The following PRKG1 variants were observed in gnomAD, a reference collection of about 807,000 sequenced individuals.
PRKG1 encodes the protein cGMP-dependent protein kinase 1.
Under a neutral mutation model 88.1 loss-of-function variants are expected in PRKG1, and 35 were observed. The ratio of observed to expected loss-of-function variants is 0.40; its 90% confidence interval spans 0.30 to 0.53. The LOEUF is 0.53. Ranked by LOEUF, PRKG1 falls within the 20% of genes least tolerant of loss-of-function variation. The pLI, the probability that PRKG1 is intolerant of heterozygous loss-of-function variation, is 0.59. For missense variants in PRKG1, 540 were observed against 839.8 expected, an observed-to-expected ratio of 0.64 and a Z score of 4.41; for synonymous variants, 303 against 292.5, an observed-to-expected ratio of 1.04 and a Z score of -0.37.
chr10:51,334,852 G>T (rs1017492273), intron 2 of PRKG1, among the ~76,000 whole-genome samples: 1 of 152,080 alleles, frequency 6.6e-6, no homozygotes, highest in African/African-American at 2.4e-5. Flanking sequence ...GGGAATCAGG[G>T]TGCCTAAAAG....
At position 51,432,883 on chromosome 10, in the gene PRKG1, T is replaced by G. The variant is rs569611130; in HGVS notation, c.479-34840T>G. 1.2e-3 allele frequency among the ~76,000 whole-genome samples: 185 copies of G among 152,260 alleles called. 1 individual carries two copies. Among genetic ancestry groups the G allele is most frequent in the Non-Finnish European group, 2.0e-3 (136 of 68,012 alleles). ...TATCAAAGGATGCACAATATCTTGCTGGGAGCATGACCACTCTTTCTAGGT... is the reference window on the plus strand; with the variant it reads ...TATCAAAGGATGCACAATATCTTGCGGGGAGCATGACCACTCTTTCTAGGT... On this transcript the variant is annotated intron_variant, in intron 2 of 17. Coordinates refer to ENST00000373980, the MANE Select transcript of PRKG1 (RefSeq NM_006258.4).
At chr10:52,104,143 A>C (rs1302145326) in intron 7 of PRKG1, among the ~76,000 whole-genome samples, 1 of 151,428 alleles carries the variant, frequency 6.6e-6, no homozygotes, top group Non-Finnish European at 1.5e-5. Context: ...TGATGGCTAT[A>C]ATTTTATATT....
intron 5 of PRKG1, among the ~76,000 whole-genome samples, chr10:51,953,404 GC>G (rs1409427712): frequency 2.0e-5 from 3 of 152,090 alleles, no homozygotes. Flanking sequence ...TCCAATAACT[GC>G]CAATTGTAGC....
At chr10:52,127,242 G>A (rs1272061317) in intron 7 of PRKG1, among the ~76,000 whole-genome samples, 1 of 152,178 alleles carries the variant, frequency 6.6e-6, no homozygotes. Context: ...CAATAATGCT[G>A]ATGCCATTTA....
rs2131870231 is a variant in PRKG1, at chr10:51,094,458, A to T, written c.311+19557A>T. On this transcript the variant is annotated intron_variant, in intron 1 of 17. Coordinates refer to ENST00000373980, the MANE Select transcript of PRKG1 (RefSeq NM_006258.4). ...AATATAAGAAATTCTAAAAATTAAA[A>T]TACATGCTAAACAATTAAAATCTGT... Among the ~76,000 whole-genome samples, 2 of 152,224 alleles carry T rather than the reference A, an allele frequency of 1.3e-5. 1 individual carries two copies. Among genetic ancestry groups the T allele is most frequent in the South Asian group, 4.1e-4 (2 of 4,830 alleles).
chr10:51,513,522 C>T (rs1473509116), intron 3 of PRKG1, among the ~76,000 whole-genome samples: 1 of 111,684 alleles, frequency 9.0e-6, no homozygotes, highest in African/African-American at 3.0e-5. Context: ...GAACTCTCCA[C>T]CTCAAATCAA....
At chr10:51,864,061 C>T (rs189565951) in intron 4 of PRKG1, among the ~76,000 whole-genome samples, 6 of 152,272 alleles carry the variant, frequency 3.9e-5, no homozygotes, top group Admixed American at 2.6e-4. Flanking sequence ...GGACCAACTG[C>T]CCCAGTTTTC....
chr10:51,720,911 A>C (rs1455141774), intron 3 of PRKG1, among the ~76,000 whole-genome samples: 6 of 152,212 alleles, frequency 3.9e-5, no homozygotes, highest in Middle Eastern at 3.4e-3. Flanking sequence ...ATGGTTAGTA[A>C]AACAACATGG....
chr10:51,625,244 G>T (rs183601424), intron 3 of PRKG1, among the ~76,000 whole-genome samples: 3 of 152,266 alleles, frequency 2.0e-5, no homozygotes, highest in African/African-American at 2.4e-5. Context: ...TTGGGAGGCT[G>T]AGCGGGTGGA....
chr10:51,936,727 TAA>T lies in PRKG1; in HGVS notation c.762+29161_762+29162del, dbSNP rs879890296. ...GATGCTGGCTTAAAAACAATTTTTT[TAA>T]AAATTTTTTTGCTTGCATAAACACA... On this transcript the variant is annotated intron_variant, in intron 5 of 17. Transcript: ENST00000373980. 3.3e-3 allele frequency among the ~76,000 whole-genome samples: 505 copies of T among 152,166 alleles called. 4 individuals are homozygous for T. Among genetic ancestry groups the T allele is most frequent in the Middle Eastern group, 6.8e-3 (2 of 294 alleles).
rs979503158 is a variant in PRKG1 at position 51,729,678 on chromosome 10, G to A, written c.593-74907G>A. 6.1e-5 allele frequency among the ~76,000 whole-genome samples: 7 copies of A among 114,792 alleles called. No individual in the cohort carries two copies. The Admixed American group carries it at 8.5e-4, about 14-fold the overall frequency. 75.3% of individuals were successfully genotyped at this position (114,792 alleles called of 152,430 possible). ...GCCGAGGTCATGCAACTGCACTCCAGCCTGGGCAACAGAGTGAGACTCCAT... is the reference window on the plus strand; with the variant it reads ...GCCGAGGTCATGCAACTGCACTCCAACCTGGGCAACAGAGTGAGACTCCAT... On this transcript the variant is annotated intron_variant, in intron 3 of 17. Coordinates refer to ENST00000373980, the MANE Select transcript of PRKG1 (RefSeq NM_006258.4).
At chr10:51,680,494 C>A (rs1282267998) in intron 3 of PRKG1, among the ~76,000 whole-genome samples, 1 of 152,240 alleles carries the variant, frequency 6.6e-6, no homozygotes, top group Non-Finnish European at 1.5e-5. Context: ...GGACAATTCA[C>A]ACTCAAGGCC....
intron 7 of PRKG1, among the ~76,000 whole-genome samples, chr10:52,063,327 C>A (rs937499556): frequency 5.9e-5 from 9 of 152,206 alleles, no homozygotes; most frequent in Admixed American, 5.9e-4. Flanking sequence ...CCGAACCAGG[C>A]ACACCACAAG....
At chr10:51,820,466 G>A (rs1317580748) in intron 4 of PRKG1, among the ~76,000 whole-genome samples, 1 of 152,154 alleles carries the variant, frequency 6.6e-6, no homozygotes, top group Non-Finnish European at 1.5e-5. Flanking sequence ...CCTGTTGTGT[G>A]GTAGGACCTC....
At chr10:51,467,617 A>T (rs759120353) in intron 2 of PRKG1, 106 bp from the exon 3 acceptor site, 7 of 798,210 alleles carry the variant, frequency 8.8e-6, no homozygotes, top group Non-Finnish European at 1.4e-5. Context: ...TTAATTGGTA[A>T]CTGCATTTTT....
chr10:52,029,114 G>A (rs534208689), intron 5 of PRKG1, among the ~76,000 whole-genome samples: 16 of 152,270 alleles, frequency 1.1e-4, no homozygotes, highest in Admixed American at 1.0e-3. Flanking sequence ...AATAGAGCGG[G>A]CTGGACTTTC....
At chr10:52,090,527 T>C (rs929665140) in intron 7 of PRKG1, among the ~76,000 whole-genome samples, 9 of 152,116 alleles carry the variant, frequency 5.9e-5, no homozygotes, top group Admixed American at 6.5e-5. Context: ...AAAATCATCA[T>C]TGGATCATCA....
At chr10:52,080,779 C>A (rs1296677752) in intron 7 of PRKG1, among the ~76,000 whole-genome samples, 1 of 151,774 alleles carries the variant, frequency 6.6e-6, no homozygotes, top group East Asian at 1.9e-4. Context: ...TATTTAAAGT[C>A]TCTAGCATTT....
intron 3 of PRKG1, among the ~76,000 whole-genome samples, chr10:51,496,686 T>A (rs1840867726): frequency 6.6e-6 from 1 of 152,106 alleles, no homozygotes; most frequent in African/African-American, 2.4e-5. Context: ...ATCCAAATGG[T>A]CTATTTTCTC....
Sources: allele counts gnomAD v4.1 joint callset (sites outside exome capture counted in the v4.1 genomes callset), GRCh38; gene constraint gnomAD v4.1.1; transcripts MANE v1.5; gene names NCBI Gene and HGNC (gene_info 2026-07-23, HGNC 2026-07-21).